PTBP3: variants seen among roughly 807,000 people sequenced by gnomAD.
The protein encoded by PTBP3 is polypyrimidine tract binding protein 3, also known as polypyrimidine tract-binding protein 3.
PTBP3 carries 20 observed loss-of-function variants against 58.7 expected under a neutral mutation model. The observed-to-expected ratio is 0.34, with a 90% CI of 0.24 to 0.50. The LOEUF (loss-of-function observed/expected upper bound fraction) is 0.50, where lower values mean the gene tolerates loss of function less well. Among genes scored for constraint, PTBP3 ranks in the 20% least tolerant of loss-of-function variants. The pLI is 0.98. For synonymous variants in PTBP3, 185 were observed against 219.8 expected (o/e 0.84, Z 1.40); for missense variants, 509 against 637.2 (o/e 0.80, Z 2.17).
At chr9:112,248,445 G>A (rs1349006731) in intron 7 of PTBP3, among the ~76,000 whole-genome samples, 1 of 152,140 alleles carries the variant, frequency 6.6e-6, no homozygotes, top group Non-Finnish European at 1.5e-5. Context: ...CTGCTTGGGT[G>A]ATGGGTGCAC....
chr9:112,220,161 A>C lies in PTBP3; in HGVS notation c.*3690T>G. On this transcript the variant is annotated 3_prime_UTR_variant, in exon 14 of 14. Transcript: ENST00000374257. ...CTAAGGGATAGGTGGGGAAAAACAC[A>C]TGTACTTTTGTCAATTTTTTGTCCA... 7.6e-7 allele frequency: 1 copy of C among 1,323,370 alleles called. No homozygotes were observed. Among genetic ancestry groups the C allele is most frequent in the Non-Finnish European group, 9.9e-7 (1 of 1,007,366 alleles). The allele number at this position is 1,323,370 out of a possible 1,614,324, so 82.0% of individuals were successfully genotyped here.
At chr9:112,326,244 A>C (rs542852860) in intron 1 of PTBP3, among the ~76,000 whole-genome samples, 2 of 152,196 alleles carry the variant, frequency 1.3e-5, no homozygotes, top group African/African-American at 4.8e-5. Context: ...TTAAAAGGAA[A>C]AGGATTGCAG....
chr9:112,336,210 CA>C (rs1384259993), upstream of PTBP3, among the ~76,000 whole-genome samples: 4 of 152,050 alleles, frequency 2.6e-5, no homozygotes, highest in Admixed American at 2.6e-4. Context: ...TTTTCCAAAA[CA>C]GTGGAAATTA....
At chr9:112,309,793 A>T (rs1829401920) in intron 1 of PTBP3, among the ~76,000 whole-genome samples, 1 of 152,120 alleles carries the variant, frequency 6.6e-6, no homozygotes, top group Admixed American at 6.6e-5. Flanking sequence ...GTCTCAAAAA[A>T]AAAAAAAAAA....
At chr9:112,321,943 G>A (rs1309666456) in intron 1 of PTBP3, among the ~76,000 whole-genome samples, 1 of 152,006 alleles carries the variant, frequency 6.6e-6, no homozygotes, top group Admixed American at 6.6e-5. Context: ...AGACCATCCT[G>A]GCCAACATGG....
the PTBP3 span, among the ~76,000 whole-genome samples, chr9:112,359,216 G>T: frequency 6.6e-6 from 1 of 151,754 alleles, no homozygotes; most frequent in Admixed American, 6.6e-5. Context: ...CGAGGTGAGC[G>T]GATCACCTGA....
At chr9:112,279,658 C>G (rs143578671) in intron 2 of PTBP3, among the ~76,000 whole-genome samples, 1 of 152,054 alleles carries the variant, frequency 6.6e-6, no homozygotes, top group African/African-American at 2.4e-5. Context: ...CCAACCCCCA[C>G]CCCAGGCAAT....
chr9:112,280,618 T>C (rs531409425), intron 2 of PTBP3, among the ~76,000 whole-genome samples: 1 of 152,172 alleles, frequency 6.6e-6, no homozygotes, highest in Non-Finnish European at 1.5e-5. Context: ...TCAAATGCCT[T>C]CTCCAGATCT....
chr9:112,281,873 A>G (rs1254289134), intron 2 of PTBP3, among the ~76,000 whole-genome samples: 1 of 152,194 alleles, frequency 6.6e-6, no homozygotes, highest in East Asian at 1.9e-4. Flanking sequence ...GCTACCACAC[A>G]AAATACTACA....
In PTBP3 at chr9:112,260,606, G is replaced by T. The variant is rs147095744; in HGVS notation, c.516+1829C>A. Among the ~76,000 whole-genome samples, 303 of 152,226 alleles carry T rather than the reference G, an allele frequency of 2.0e-3. 1 individual carries two copies. Among genetic ancestry groups the T allele is most frequent in the African/African-American group, 6.9e-3 (286 of 41,530 alleles). ...GGCCTAAGAAATACAAGACAGAAATGGACTAAGGACAGAACTAAGCAGGGG... is the reference window on the plus strand; with the variant it reads ...GGCCTAAGAAATACAAGACAGAAATTGACTAAGGACAGAACTAAGCAGGGG... On this transcript the variant is annotated intron_variant, in intron 5 of 13. Transcript: ENST00000374257.
At chr9:112,330,893 A>C (rs1830341421) in intron 1 of PTBP3, among the ~76,000 whole-genome samples, 1 of 152,186 alleles carries the variant, frequency 6.6e-6, no homozygotes. Context: ...CAGAAATAGA[A>C]GGCATCTTGC....
At chr9:112,332,686 T>C (rs541521799) in intron 1 of PTBP3, 8 of 1,454,172 alleles carry the variant, frequency 5.5e-6, no homozygotes, top group Non-Finnish European at 7.5e-6. Context: ...TTTATATACA[T>C]AGACTCTAAA....
chr9:112,342,677 T>C, the PTBP3 span, among the ~76,000 whole-genome samples: 1 of 150,384 alleles, frequency 6.6e-6, no homozygotes, highest in Non-Finnish European at 1.5e-5. Context: ...GATTGCACCA[T>C]TGCACTCCTG....
chr9:112,336,685 A>C (rs1830580270), upstream of PTBP3, among the ~76,000 whole-genome samples: 1 of 152,062 alleles, frequency 6.6e-6, no homozygotes, highest in African/African-American at 2.4e-5. Flanking sequence ...TAAGCTAACA[A>C]ATTTTAATAT....
chr9:112,298,604 T>C, intron 1 of PTBP3: 1 of 501,532 alleles, frequency 2.0e-6, no homozygotes. Flanking sequence ...AAAACCAACC[T>C]ATTTTAAATA....
chr9:112,348,822 C>T, the PTBP3 span, among the ~76,000 whole-genome samples: 1 of 151,142 alleles, frequency 6.6e-6, no homozygotes, highest in Non-Finnish European at 1.5e-5. Context: ...AACAATACCA[C>T]CCCCCCTCCC....
At chr9:112,352,086 T>A in the PTBP3 span, among the ~76,000 whole-genome samples, 1 of 151,992 alleles carries the variant, frequency 6.6e-6, no homozygotes, top group Non-Finnish European at 1.5e-5. Flanking sequence ...CCCAGCTAGT[T>A]TTTAAATATT....
rs1377012738 is a variant in PTBP3 at position 112,223,723 on chromosome 9, A to G, written c.*128T>C. 2 of 1,365,348 alleles carry G rather than the reference A, an allele frequency of 1.5e-6. No individual in the cohort carries two copies. Among genetic ancestry groups the G allele is most frequent in the East Asian group, 5.5e-5 (2 of 36,384 alleles). The allele number at this position is 1,365,348 out of a possible 1,614,324, so 84.6% of individuals were successfully genotyped here. On this transcript the variant is annotated 3_prime_UTR_variant, in exon 14 of 14. Coordinates refer to ENST00000374257, the MANE Select transcript of PTBP3 (RefSeq NM_001163788.4). ...AAAAAAATCCCTTGATTTTTAAAATATACTTGAATATCAAACTCAGAGTTA... is the reference window on the plus strand; with the variant it reads ...AAAAAAATCCCTTGATTTTTAAAATGTACTTGAATATCAAACTCAGAGTTA...
In PTBP3 at chr9:112,231,544, T is replaced by C. The variant is rs1043746140; in HGVS notation, c.1021-131A>G. ...TATATGCTTCTTCCGTATATACTAG[T>C]GATGAATTTTAATAGAAGTTCTTAA... On this transcript the variant is annotated intron_variant, in intron 9 of 13. Coordinates refer to ENST00000374257, the MANE Select transcript of PTBP3 (RefSeq NM_001163788.4). 4 of 635,444 alleles carry C rather than the reference T, an allele frequency of 6.3e-6. No individual in the cohort carries two copies. In the Admixed American group the frequency reaches 1.1e-4, roughly 18 times the overall value. 39.4% of individuals were successfully genotyped at this position (635,444 alleles called of 1,614,324 possible).
Sources: allele counts gnomAD v4.1 joint callset (sites outside exome capture counted in the v4.1 genomes callset), GRCh38; gene constraint gnomAD v4.1.1; transcripts MANE v1.5; gene names NCBI Gene and HGNC (gene_info 2026-07-23, HGNC 2026-07-21).